TRAPPC10: variants seen among roughly 807,000 people sequenced by gnomAD.
The protein encoded by TRAPPC10 is trafficking protein particle complex subunit 10, also known as TRAPP 130 kDa subunit.
TRAPPC10 carries 23 observed loss-of-function variants against 125.5 expected under a neutral mutation model. The observed-to-expected ratio is 0.18, with a 90% CI of 0.13 to 0.26. The LOEUF (loss-of-function observed/expected upper bound fraction) is 0.26, where lower values mean the gene tolerates loss of function less well. TRAPPC10 is among the 10% of genes least tolerant of loss of function. The probability of loss-of-function intolerance (pLI) is 1.00; values close to 1 mark genes in which losing one functional copy is unlikely to be tolerated. For synonymous variants in TRAPPC10, 509 were observed against 518.0 expected, an observed-to-expected ratio of 0.98 and a Z score of 0.24; for missense variants, 1,123 against 1,308.4, an observed-to-expected ratio of 0.86 and a Z score of 2.19.
At chr21:44,079,250 G>A (rs1345654811) in intron 11 of TRAPPC10, among the ~76,000 whole-genome samples, 1 of 152,090 alleles carries the variant, frequency 6.6e-6, no homozygotes, top group African/African-American at 2.4e-5. Context: ...GATCATGAAT[G>A]ATAGGCTCAC....
intron 18 of TRAPPC10, 21 bp from the exon 19 acceptor site, chr21:44,091,902 C>G: frequency 6.2e-7 from 1 of 1,610,370 alleles, no homozygotes; most frequent in Non-Finnish European, 8.5e-7. Flanking sequence ...CAAAATAATA[C>G]TTTTTGTTTT....
intron 19 of TRAPPC10, among the ~76,000 whole-genome samples, chr21:44,092,791 T>A (rs867325537): frequency 5.9e-5 from 9 of 152,204 alleles, no homozygotes; most frequent in Admixed American, 3.3e-4. Context: ...TCTTATTTTT[T>A]AAATTTTTAT....
chr21:44,034,332 A>ACCCCCC (rs71197877), intron 2 of TRAPPC10, among the ~76,000 whole-genome samples: 101 of 101,598 alleles, frequency 9.9e-4, no homozygotes, highest in South Asian at 1.4e-3. Flanking sequence ...CACTCCCCCA[A>ACCCCCC]CCCCCCCCCC....
At chr21:44,080,380 A>G (rs2037604940) in intron 13 of TRAPPC10, among the ~76,000 whole-genome samples, 1 of 152,116 alleles carries the variant, frequency 6.6e-6, no homozygotes, top group Non-Finnish European at 1.5e-5. Flanking sequence ...TTCTAATATC[A>G]TCTGCTAAGT....
In TRAPPC10 at chr21:44,012,365, A is replaced by T. The variant is rs1409936979; in HGVS notation, c.-129A>T. The T allele has an allele frequency of 6.0e-5, 22 of 368,534 alleles. No individual in the cohort carries two copies. The South Asian group carries it at 2.2e-3, about 36-fold the overall frequency. The allele number at this position is 368,534 out of a possible 1,614,324, so 22.8% of individuals were successfully genotyped here. A position where few individuals can be genotyped will look rare whatever the true frequency, so the allele number is the denominator to read the frequency against. ...AGCAGCGGGCGGCAGCTGCGGCGCA[A>T]CCGGCTCCGGAGCTGCCTGGCGCGG... On this transcript the variant is annotated 5_prime_UTR_variant, in exon 1 of 23. Coordinates refer to ENST00000291574, the MANE Select transcript of TRAPPC10 (RefSeq NM_003274.5).
At chr21:44,089,574 C>T (rs956585204) in intron 17 of TRAPPC10, 4 of 527,070 alleles carry the variant, frequency 7.6e-6, no homozygotes, top group Non-Finnish European at 1.5e-5. Context: ...GCTCTTCCGC[C>T]GTTGAGGTGA....
rs554767368 is a variant in TRAPPC10 at position 44,075,847 on chromosome 21, C to T, written c.1300+694C>T. 3.9e-5 allele frequency among the ~76,000 whole-genome samples: 6 copies of T among 152,220 alleles called. No individual in the cohort carries two copies. The South Asian group carries it at 8.3e-4, about 21-fold the overall frequency. On this transcript the variant is annotated intron_variant, in intron 9 of 22. Transcript: ENST00000291574. ...GGCGGATCACCTGAGGTCAGGAATT[C>T]GAGACCAGCCTGACCAACATGGAGA...
intron 3 of TRAPPC10, among the ~76,000 whole-genome samples, chr21:44,051,055 C>T (rs1201996420): frequency 1.3e-5 from 2 of 152,178 alleles, no homozygotes; most frequent in Admixed American, 6.5e-5. Flanking sequence ...AGGTGCACAC[C>T]GCCATGCCCG....
In TRAPPC10 at chr21:44,087,597, G is replaced by C; in HGVS notation, c.2540-102G>C. 2 of 1,018,216 alleles carry C rather than the reference G, an allele frequency of 2.0e-6. No individual in the cohort carries two copies. Among genetic ancestry groups the C allele is most frequent in the Admixed American group, 3.8e-5 (2 of 52,412 alleles). The allele number at this position is 1,018,216 out of a possible 1,614,324, so 63.1% of individuals were successfully genotyped here. A position where few individuals can be genotyped will look rare whatever the true frequency, so the allele number is the denominator to read the frequency against. ...CTGCCAGGTGCGCAGGAGCGGGAGA[G>C]GTTGAGCAGTGGCCTCACTGCTGGG... On this transcript the variant is annotated intron_variant, in intron 16 of 22. Coordinates refer to ENST00000291574, the MANE Select transcript of TRAPPC10 (RefSeq NM_003274.5). The surrounding 1 kb of genome is among the most constrained non-coding windows in gnomAD (Gnocchi z 4.6).
intron 18 of TRAPPC10, among the ~76,000 whole-genome samples, chr21:44,090,974 C>G (rs1158848845): frequency 6.6e-6 from 1 of 152,122 alleles, no homozygotes; most frequent in Non-Finnish European, 1.5e-5. Flanking sequence ...AGGCGGATCA[C>G]GAGGTCGGGA....
chr21:44,029,825 T>A (rs1263427878), intron 1 of TRAPPC10, among the ~76,000 whole-genome samples: 3 of 152,242 alleles, frequency 2.0e-5, no homozygotes, highest in Non-Finnish European at 4.4e-5. Flanking sequence ...CTAAGCTACC[T>A]TATCAACTTT....
At chr21:44,020,170 G>C (rs2032347098) in intron 1 of TRAPPC10, among the ~76,000 whole-genome samples, 1 of 150,834 alleles carries the variant, frequency 6.6e-6, no homozygotes, top group South Asian at 2.1e-4. Context: ...GCCCAGGCTG[G>C]AGTGCAGTGG....
chr21:44,020,303 AT>A (rs1396650881), intron 1 of TRAPPC10, among the ~76,000 whole-genome samples: 1 of 151,202 alleles, frequency 6.6e-6, no homozygotes, highest in Non-Finnish European at 1.5e-5. Context: ...ATTTTTTTGT[AT>A]TTTTAGTAAG....
chr21:44,032,566 A>G lies in TRAPPC10; in HGVS notation c.149+394A>G, dbSNP rs772880398. On this transcript the variant is annotated intron_variant, in intron 2 of 22. Coordinates refer to ENST00000291574, the MANE Select transcript of TRAPPC10 (RefSeq NM_003274.5). ...CCCGGCTAATTTTTGTAGTTTTAGT[A>G]GAGACAGGTTTTGCCATGTTGGCCA... is the stretch of plus-strand genomic sequence containing the variant. Among the ~76,000 whole-genome samples the G allele has an allele frequency of 3.3e-5, 5 of 152,074 alleles. No homozygotes were observed. The South Asian group carries it at 6.2e-4, about 19-fold the overall frequency.
intron 9 of TRAPPC10, among the ~76,000 whole-genome samples, chr21:44,075,816 G>A (rs993344077): frequency 6.6e-6 from 1 of 152,300 alleles, no homozygotes; most frequent in African/African-American, 2.4e-5. Flanking sequence ...TTGGGAGGCC[G>A]AGGTGGGCGG....
intron 6 of TRAPPC10, chr21:44,062,820 G>T (rs574254765): frequency 2.0e-6 from 2 of 985,422 alleles, no homozygotes; most frequent in African/African-American, 3.5e-5. Context: ...ATGCCACGTA[G>T]GAATGAACTG....
At chr21:44,071,524 A>C (rs1335374376) in intron 7 of TRAPPC10, among the ~76,000 whole-genome samples, 5 of 152,146 alleles carry the variant, frequency 3.3e-5, no homozygotes, top group African/African-American at 1.2e-4. Context: ...TATAGAGAAG[A>C]AGCAGAGTGC....
In TRAPPC10 at chr21:44,032,198, T is replaced by C. The variant is rs866708487; in HGVS notation, c.149+26T>C. The C allele has an allele frequency of 5.1e-6, 8 of 1,566,464 alleles. No homozygotes were observed. In the Middle Eastern group the frequency reaches 1.2e-3, roughly 231 times the overall value. On this transcript the variant is annotated intron_variant, in intron 2 of 22. Transcript: ENST00000291574. ...GTATGAGTTGTGTGTTTTTTGGCTG[T>C]ATCCCTCTCTTCATTTTTTAAAATG... is the stretch of plus-strand genomic sequence containing the variant.
rs373201708 is a variant in TRAPPC10, at chr21:44,058,032, G to A, written c.679-1071G>A. On this transcript the variant is annotated intron_variant, in intron 5 of 22. Transcript: ENST00000291574. Reference sequence around the variant, plus strand: ...AACAAAGGTTACTGAGCACGGACAGGTGCCAGGCCCTCCTTGATGCTGGGA... The same window carrying A: ...AACAAAGGTTACTGAGCACGGACAGATGCCAGGCCCTCCTTGATGCTGGGA... 7.2e-5 allele frequency among the ~76,000 whole-genome samples: 11 copies of A among 152,338 alleles called. No individual in the cohort carries two copies. The South Asian group carries it at 2.3e-3, about 32-fold the overall frequency.
Sources: gnomAD v4.1 joint callset for allele counts (sites outside exome capture counted in the v4.1 genomes callset) on GRCh38, gnomAD v4.1.1 for gene constraint, Gnocchi (gnomAD v3.1) non-coding constraint, MANE v1.5 for transcripts, NCBI Gene and HGNC (gene_info 2026-07-23, HGNC 2026-07-21) for gene names.